Variants in SACS observed in about 807,000 individuals in gnomAD.
SACS encodes the protein sacsin molecular chaperone.
Under a neutral mutation model 348.0 loss-of-function variants are expected in SACS, and 197 were observed. That is an observed-to-expected ratio of 0.57 (90% CI 0.50 to 0.64). SACS has a LOEUF of 0.64. SACS is among the 30% of genes least tolerant of loss of function. The pLI is 0.00. For synonymous variants in SACS, 1,985 were observed against 1,910.6 expected (o/e 1.04, Z -1.02); for missense variants, 4,999 against 5,360.8 (o/e 0.93, Z 2.11).
At chr13:23,411,988 G>C (rs1873499833) in intron 1 of SACS, among the ~76,000 whole-genome samples, 1 of 152,200 alleles carries the variant, frequency 6.6e-6, no homozygotes, top group South Asian at 2.1e-4. Context: ...GGCCGGGCGC[G>C]GTGGCTCACG....
chr13:23,358,637 A>G (rs181576243), intron 6 of SACS, among the ~76,000 whole-genome samples, 156 bp from the exon 7 acceptor site: 1 of 152,334 alleles, frequency 6.6e-6, no homozygotes, highest in Admixed American at 6.5e-5. Context: ...TGTTTTTACA[A>G]TAAAAATAAA....
chr13:23,387,551 C>G (rs1358592366), intron 2 of SACS, among the ~76,000 whole-genome samples: 3 of 151,478 alleles, frequency 2.0e-5, no homozygotes, highest in Non-Finnish European at 4.4e-5. Flanking sequence ...CACTACGAAG[C>G]TGGAAGACCC....
chr13:23,425,425 CACTTG>C (rs1028968957), intron 1 of SACS, among the ~76,000 whole-genome samples: 2 of 152,084 alleles, frequency 1.3e-5, no homozygotes, highest in African/African-American at 4.8e-5. Context: ...GACTGGAGTC[CACTTG>C]ACTAGGGCCT....
In SACS at chr13:23,369,547, T is replaced by A. The variant is rs1056842428; in HGVS notation, c.260-1060A>T. On this transcript the variant is annotated intron_variant, in intron 4 of 9. Transcript: ENST00000382292. Reference sequence around the variant, plus strand: ...TTCCACAGACTTCTATCCCACCCATTCTTTTTTTTTTTTTTCAGACGGACT... The same window carrying A: ...TTCCACAGACTTCTATCCCACCCATACTTTTTTTTTTTTTTCAGACGGACT... Among the ~76,000 whole-genome samples, 4 of 151,694 alleles carry A rather than the reference T, an allele frequency of 2.6e-5. No homozygotes were observed. The East Asian group carries it at 7.7e-4, about 29-fold the overall frequency.
rs752050563 is a variant in SACS, at chr13:23,337,384, T to C, written c.6492A>G (p.Leu2164=). ...AKDDILWDDM[L]ERAVSVAEIN... is the part of the protein sequence containing the mutation. ...TTTCAGCTACTGACACTGCACGTTC[T>C]AGCATATCATCCCATAAAATATCAT... The change falls in exon 10 of 10, where the codon CTA becomes CTG. Residue 2164 remains leucine (L), a synonymous_variant. Coordinates refer to ENST00000382292, the MANE Select transcript of SACS (RefSeq NM_014363.6). 1.9e-6 allele frequency: 3 copies of C among 1,613,784 alleles called. No homozygotes were observed. Among genetic ancestry groups the C allele is most frequent in the Admixed American group, 3.3e-5 (2 of 59,960 alleles).
chr13:23,353,329 G>A (rs1870094593), intron 9 of SACS, among the ~76,000 whole-genome samples: 1 of 152,210 alleles, frequency 6.6e-6, no homozygotes, highest in Non-Finnish European at 1.5e-5. Flanking sequence ...TGGAGGGGCA[G>A]TGGTGTCAGA....
rs778987108 is a variant in SACS, at chr13:23,355,142, G to T, written c.1470C>A (p.Ala490=). Reference sequence around the variant, plus strand: ...TCATGACAAGAAACTCATTCCATAAGGCTGCCGGGTCTCTCCACTGGTCCA... The same window carrying T: ...TCATGACAAGAAACTCATTCCATAATGCTGCCGGGTCTCTCCACTGGTCCA... ...RELDQWRDPA[A]LWNEFLVMNV... Residue 490 remains alanine (A), a synonymous_variant, in exon 8 of 10, where the codon GCC becomes GCA. Coordinates refer to ENST00000382292, the MANE Select transcript of SACS (RefSeq NM_014363.6). 1.6e-5 allele frequency: 26 copies of T among 1,614,042 alleles called. No individual in the cohort carries two copies. Among genetic ancestry groups the T allele is most frequent in the Non-Finnish European group, 2.1e-5 (25 of 1,180,036 alleles).
Position 23,354,581 on chromosome 13 carries a change from G to A in SACS, c.2031C>T (p.Val677=), listed in dbSNP as rs771431845. The A allele has an allele frequency of 4.3e-6, 7 of 1,613,930 alleles. No homozygotes were observed. In the East Asian group the frequency reaches 6.7e-5, roughly 15 times the overall value. The part of the protein sequence containing the change: ...ELLPLQNGNF[V]PFSSSVSDQD... ...GGTCTGATACAGATGAGGAGAAGGG[G>A]ACAAAATTGCCATTTTGTAAAGGGA... is the stretch of plus-strand genomic sequence containing the variant. The change falls in exon 8 of 10, where the codon GTC becomes GTT. Residue 677 remains valine (V), a synonymous_variant. Transcript: ENST00000382292.
chr13:23,392,014 G>C (rs938963752), intron 2 of SACS, among the ~76,000 whole-genome samples: 27 of 152,174 alleles, frequency 1.8e-4, no homozygotes, highest in African/African-American at 6.5e-4. Flanking sequence ...TCAGAATCAC[G>C]CATGCAGACT....
Position 23,338,701 on chromosome 13 carries a change from G to A in SACS, c.5175C>T (p.Asn1725=). 1 of 1,611,932 alleles carries A rather than the reference G, an allele frequency of 6.2e-7. No individual in the cohort carries two copies. The highest frequency in any genetic ancestry group is 1.3e-5 in the African/African-American group (1 of 74,788). ...CTTTTAAAACACTTAAGACAGGTGT[G>A]TTCAATGCTTTGGAAGAGCAGGATT... ...KKKSCSSKAL[N]TPVLSVLKEA... The change falls in exon 10 of 10, where the codon AAC becomes AAT. Residue 1725 remains asparagine (N), a synonymous_variant. Coordinates refer to ENST00000382292, the MANE Select transcript of SACS (RefSeq NM_014363.6).
chr13:23,336,743 T>C lies in SACS; in HGVS notation c.7133A>G (p.Tyr2378Cys). 6.2e-7 allele frequency: 1 copy of C among 1,613,920 alleles called. No individual in the cohort carries two copies. The highest frequency in any genetic ancestry group is 8.5e-7 in the Non-Finnish European group (1 of 1,179,900). The change falls in exon 10 of 10, where the codon TAT becomes TGT. Residue 2378 changes from tyrosine to cysteine, a missense_variant. Around this residue, in one of 6 missense-constraint regions of SACS, gnomAD observed 3,156 missense variants for 3,380.1 expected, o/e 0.93. Coordinates refer to ENST00000382292, the MANE Select transcript of SACS (RefSeq NM_014363.6). ...APYLYQLPNKYKNNFRELFET... is the reference protein window; with the variant it reads ...APYLYQLPNKCKNNFRELFET... ...AAAAAGTTCGCGGAAATTATTTTTA[T>C]ACTTATTAGGCAACTGATAAAGGTA...
rs371980938 is a variant in SACS at position 23,377,646 on chromosome 13, G to A, written c.21-2377C>T. Among the ~76,000 whole-genome samples the A allele has an allele frequency of 5.3e-5, 8 of 152,308 alleles. No homozygotes were observed. In the East Asian group the frequency reaches 1.3e-3, roughly 26 times the overall value. On this transcript the variant is annotated intron_variant, in intron 2 of 9. Coordinates refer to ENST00000382292, the MANE Select transcript of SACS (RefSeq NM_014363.6). ...CTCTCGGAGCTCTCCTGTGTGGCCT[G>A]TGCATATGTGTTCCTTCCTTCCCCG...
At chr13:23,406,802 G>A (rs1316764821) in intron 2 of SACS, among the ~76,000 whole-genome samples, 1 of 152,100 alleles carries the variant, frequency 6.6e-6, no homozygotes, top group Admixed American at 6.6e-5. Context: ...AATGAAACCA[G>A]ACATTTTGTC....
chr13:23,334,371 T>C lies in SACS; in HGVS notation c.9505A>G (p.Lys3169Glu), dbSNP rs769546841. ...LDSVLQTFDA[K>E]RPKFLTTYHE... ...TATGTTGTTAGAAACTTGGGTCGTT[T>C]TGCATCAAAAGTTTGCAAAACACTG... is the stretch of plus-strand genomic sequence containing the variant. The change falls in exon 10 of 10, where the codon AAA becomes GAA. Residue 3169 changes from lysine to glutamate, a missense_variant. By Grantham distance (56) the Lys-to-Glu change is moderately conservative. Around this residue, in one of 6 missense-constraint regions of SACS, gnomAD observed 734 missense variants for 694.0 expected, o/e 1.06. Transcript: ENST00000382292. 1.2e-6 allele frequency: 2 copies of C among 1,612,846 alleles called. No homozygotes were observed. The highest frequency in any genetic ancestry group is 1.1e-5 in the South Asian group (1 of 90,854).
rs9552930 is a variant in SACS, at chr13:23,335,394, T to C, written c.8482A>G (p.Ser2828Gly). The change falls in exon 10 of 10, where the codon AGT becomes GGT. Residue 2828 changes from serine (S) to glycine (G), a missense_variant. This residue lies in a region of SACS where 3,156 missense variants were observed against 3,380.1 expected (regional missense o/e 0.93). Transcript: ENST00000382292. This position sits in a 1 kb window ranked among gnomAD's most constrained non-coding sequence, Gnocchi z 4.7. ...WLICNRSGFS[S>G]MEKVSKSVIS... ...ACACTTTTAGATACTTTCTCCATAC[T>C]TGAAAAGCCTGATCTATTACAAATT... 139 of 1,613,918 alleles carry C rather than the reference T, an allele frequency of 8.6e-5. 2 individuals carry two copies. In the East Asian group the frequency reaches 2.5e-3, roughly 29 times the overall value.
In SACS at chr13:23,411,357, C is replaced by T; in HGVS notation, c.-118G>A. On this transcript the variant is annotated 5_prime_UTR_variant, in exon 2 of 10. Transcript: ENST00000382292. ...GTACTCCAAGTTCAGCTCTTCCTGC[C>T]AGGTGGAAAAAAAGCCTGTTTTTCC... 1.1e-6 allele frequency: 1 copy of T among 944,522 alleles called. No homozygotes were observed. 58.5% of individuals were successfully genotyped at this position (944,522 alleles called of 1,614,324 possible).
chr13:23,367,416 A>G (rs1386502051), intron 5 of SACS, among the ~76,000 whole-genome samples: 1 of 152,168 alleles, frequency 6.6e-6, no homozygotes, highest in Non-Finnish European at 1.5e-5. Flanking sequence ...AAATATAACC[A>G]GGGCCAAGAT....
chr13:23,366,456 T>A (rs1026273358), intron 5 of SACS, among the ~76,000 whole-genome samples: 1 of 152,244 alleles, frequency 6.6e-6, no homozygotes. Flanking sequence ...CATGGGATTT[T>A]AATTTTTTAG....
chr13:23,429,427 A>G lies in SACS; in HGVS notation c.-502+4188T>C, dbSNP rs534029488. Among the ~76,000 whole-genome samples, 379 of 125,108 alleles carry G rather than the reference A, an allele frequency of 3.0e-3. 3 individuals carry two copies. The highest frequency in any genetic ancestry group is 0.023 in the Middle Eastern group (4 of 172). The allele number at this position is 125,108 out of a possible 152,430, so 82.1% of individuals were successfully genotyped here. ...ACCCGGGCTGGAGTGCAGTGGTGCG[A>G]TATCGGCTCACTGCAAGCTCCGCCT... On this transcript the variant is annotated intron_variant, in intron 1 of 9. Transcript: ENST00000382292.
Sources: gnomAD v4.1 joint callset for allele counts (sites outside exome capture counted in the v4.1 genomes callset) on GRCh38, gnomAD v4.1.1 for gene constraint, gnomAD v4.1.1 regional missense constraint, Gnocchi (gnomAD v3.1) non-coding constraint, MANE v1.5 for transcripts, NCBI Gene and HGNC (gene_info 2026-07-23, HGNC 2026-07-21) for gene names.